Variants in SFT2D3 observed in about 807,000 individuals in gnomAD.
The protein encoded by SFT2D3 is vesicle transport protein SFT2C.
For missense variants in SFT2D3, 405 were observed against 334.6 expected, an observed-to-expected ratio of 1.21 and a Z score of -1.64; for synonymous variants, 239 against 191.2, an observed-to-expected ratio of 1.25 and a Z score of -2.06.
In SFT2D3 at chr2:127,701,801, C is replaced by T. The variant is rs1427461615; in HGVS notation, c.273C>T (p.Phe91=). 1.4e-6 allele frequency: 2 copies of T among 1,454,142 alleles called. No homozygotes were observed. The highest frequency in any genetic ancestry group is 1.3e-5 in the South Asian group (1 of 77,254). 90.1% of individuals were successfully genotyped at this position (1,454,142 alleles called of 1,614,324 possible). Residue 91 remains phenylalanine, a synonymous_variant, in exon 1 of 1, where the codon TTC becomes TTT. Coordinates refer to ENST00000310981, the MANE Select transcript of SFT2D3 (RefSeq NM_032740.4). ...GCCTGCTGCTGGCTGCACTGTGTTT[C>T]GGCCTAGCCGCGCTCTACGCACCGG... ...GGCLLLAALC[F]GLAALYAPVL...
rs1685919039 is a variant in SFT2D3, at chr2:127,702,496, A to G, written c.*320A>G. The G allele has an allele frequency of 5.0e-6, 1 of 199,600 alleles. No individual in the cohort carries two copies. Among genetic ancestry groups the G allele is most frequent in the East Asian group, 1.4e-4 (1 of 7,102 alleles). The allele number at this position is 199,600 out of a possible 1,614,324, so 12.4% of individuals were successfully genotyped here. A position where few individuals can be genotyped will look rare whatever the true frequency, so the allele number is the denominator to read the frequency against. On this transcript the variant is annotated 3_prime_UTR_variant, in exon 1 of 1. Transcript: ENST00000310981. Reference sequence around the variant, plus strand: ...CTGTGGTCTTAGGTTCGGCTGAGTAAAGAAAAAGGATTTTTCTTCGAGTTA... The same window carrying G: ...CTGTGGTCTTAGGTTCGGCTGAGTAGAGAAAAAGGATTTTTCTTCGAGTTA...
Position 127,701,569 on chromosome 2 carries a change from A to AG in SFT2D3, c.45dup (p.Lys16GlufsTer225). On this transcript the variant is annotated frameshift_variant, in exon 1 of 1. Coordinates refer to ENST00000310981, the MANE Select transcript of SFT2D3 (RefSeq NM_032740.4). LOFTEE classifies it low-confidence loss of function (END_TRUNC). ...CGCCAGCTGCAGGAGTACCTGGCGC[A>AG]GGGGAAAGCTGGCGGCCCGGCGGCC... 7.4e-7 allele frequency: 1 copy of AG among 1,359,096 alleles called. No homozygotes were observed. 84.2% of individuals were successfully genotyped at this position (1,359,096 alleles called of 1,614,324 possible).
chr2:127,702,021 A>G lies in SFT2D3; in HGVS notation c.493A>G (p.Ser165Gly), dbSNP rs764196475. The change falls in exon 1 of 1, where the codon AGC becomes GGC. Residue 165 changes from serine (S) to glycine (G), a missense_variant. Physicochemically the swap from Ser to Gly is moderately conservative, Grantham distance 56. Coordinates refer to ENST00000310981, the MANE Select transcript of SFT2D3 (RefSeq NM_032740.4). ...ATLFAALGLR[S>G]TLLTVLGAGA... ...GCTGTTCGCCGCGCTGGGCCTTCGC[A>G]GCACGCTGCTCACGGTGCTGGGCGC... is the stretch of plus-strand genomic sequence containing the variant. 238 of 1,296,444 alleles carry G rather than the reference A, an allele frequency of 1.8e-4. No individual in the cohort carries two copies. Among genetic ancestry groups the G allele is most frequent in the Admixed American group, 3.4e-4 (8 of 23,606 alleles). The allele number at this position is 1,296,444 out of a possible 1,614,324, so 80.3% of individuals were successfully genotyped here. A position where few individuals can be genotyped will look rare whatever the true frequency, so the allele number is the denominator to read the frequency against.
Position 127,701,880 on chromosome 2 carries a change from CTGGCGT to C in SFT2D3, c.358_363del (p.Leu120_Ala121del), listed in dbSNP as rs1558914265. The C allele has an allele frequency of 1.4e-6, 2 of 1,457,804 alleles. No individual in the cohort carries two copies. The highest frequency in any genetic ancestry group is 2.5e-5 in the Admixed American group (1 of 39,962). The allele number at this position is 1,457,804 out of a possible 1,614,324, so 90.3% of individuals were successfully genotyped here. ...GCTGCTCTGGTCACTGGGCTCGGCG[CTGGCGT>C]TGGCGGGAAGCGCGCTGCTGCGGGG... On this transcript the variant is annotated inframe_deletion, in exon 1 of 1. Coordinates refer to ENST00000310981, the MANE Select transcript of SFT2D3 (RefSeq NM_032740.4).
Position 127,701,743 on chromosome 2 carries a change from C to A in SFT2D3, c.215C>A (p.Thr72Lys). Residue 72 changes from threonine to lysine, a missense_variant, in exon 1 of 1, where the codon ACG becomes AAG. Coordinates refer to ENST00000310981, the MANE Select transcript of SFT2D3 (RefSeq NM_032740.4). The stretch of plus-strand genomic sequence containing the variant: ...GGCCTGACGTGCCTCCCGAGCGTGA[C>A]GCGCGGGCAGCGGCTGGCGGCGGGC... ...AAGLTCLPSVTRGQRLAAGGG... is the reference protein window; with the variant it reads ...AAGLTCLPSVKRGQRLAAGGG... 1.4e-6 allele frequency: 2 copies of A among 1,412,378 alleles called. No individual in the cohort carries two copies. Among genetic ancestry groups the A allele is most frequent in the South Asian group, 1.4e-5 (1 of 70,838 alleles). The allele number at this position is 1,412,378 out of a possible 1,614,324, so 87.5% of individuals were successfully genotyped here. A position where few individuals can be genotyped will look rare whatever the true frequency, so the allele number is the denominator to read the frequency against.
chr2:127,701,726 G>A lies in SFT2D3; in HGVS notation c.198G>A (p.Thr66=), dbSNP rs1276248713. 3.6e-6 allele frequency: 5 copies of A among 1,381,212 alleles called. No individual in the cohort carries two copies. The highest frequency in any genetic ancestry group is 4.7e-6 in the Non-Finnish European group (5 of 1,068,408). The allele number at this position is 1,381,212 out of a possible 1,614,324, so 85.6% of individuals were successfully genotyped here. Residue 66 remains threonine, a synonymous_variant, in exon 1 of 1, where the codon ACG becomes ACA. Coordinates refer to ENST00000310981, the MANE Select transcript of SFT2D3 (RefSeq NM_032740.4). ...CGGAGTCGGCAGCGGCCGGCCTGAC[G>A]TGCCTCCCGAGCGTGACGCGCGGGC... ...SPAESAAAGL[T]CLPSVTRGQR...
Position 127,701,866 on chromosome 2 carries a change from C to T in SFT2D3, c.338C>T (p.Ser113Leu). Residue 113 changes from serine (S) to leucine (L), a missense_variant, in exon 1 of 1, where the codon TCA becomes TTA. By Grantham distance (145) the Ser-to-Leu change is moderately radical. Transcript: ENST00000310981. Reference sequence around the variant, plus strand: ...GCGCGCAAGTTCGCGCTGCTCTGGTCACTGGGCTCGGCGCTGGCGTTGGCG... The same window carrying T: ...GCGCGCAAGTTCGCGCTGCTCTGGTTACTGGGCTCGGCGCTGGCGTTGGCG... The part of the protein sequence containing the change: ...LRARKFALLW[S>L]LGSALALAGS... 6.8e-7 allele frequency: 1 copy of T among 1,460,592 alleles called. No individual in the cohort carries two copies. Among genetic ancestry groups the T allele is most frequent in the East Asian group, 3.1e-5 (1 of 32,524 alleles). 90.5% of individuals were successfully genotyped at this position (1,460,592 alleles called of 1,614,324 possible). A position where few individuals can be genotyped will look rare whatever the true frequency, so the allele number is the denominator to read the frequency against.
chr2:127,703,680 T>G lies in SFT2D3; in HGVS notation c.*1504T>G, dbSNP rs1685946755. ...AGTATCTTCAGAATGATTTATTTTTTTAATTAATTGTAAAGACTTGTGCCA... is the reference window on the plus strand; with the variant it reads ...AGTATCTTCAGAATGATTTATTTTTGTAATTAATTGTAAAGACTTGTGCCA... On this transcript the variant is annotated 3_prime_UTR_variant, in exon 1 of 1. Transcript: ENST00000310981. 2 of 167,116 alleles carry G rather than the reference T, an allele frequency of 1.2e-5. No homozygotes were observed. The highest frequency in any genetic ancestry group is 2.9e-5 in the Non-Finnish European group (2 of 68,136). 10.4% of individuals were successfully genotyped at this position (167,116 alleles called of 1,614,324 possible).
chr2:127,701,969 G>A lies in SFT2D3; in HGVS notation c.441G>A (p.Leu147=). The change falls in exon 1 of 1, where the codon CTG becomes CTA. Residue 147 remains leucine, a synonymous_variant. Transcript: ENST00000310981. ...RCEEAPSRPA[L]LYMAALGATL... ...AAGAAGCGCCGTCCCGGCCCGCGCT[G>A]CTCTACATGGCAGCGCTGGGCGCCA... 2 of 1,379,278 alleles carry A rather than the reference G, an allele frequency of 1.5e-6. No homozygotes were observed. Among genetic ancestry groups the A allele is most frequent in the South Asian group, 1.5e-5 (1 of 64,682 alleles). 85.4% of individuals were successfully genotyped at this position (1,379,278 alleles called of 1,614,324 possible).
In SFT2D3 at chr2:127,701,552, G is replaced by T; in HGVS notation, c.24G>T (p.Leu8=). ...AGATGGCGGACCTCCACCGCCAGCT[G>T]CAGGAGTACCTGGCGCAGGGGAAAG... The part of the protein sequence containing the change: MADLHRQ[L]QEYLAQGKAG... The change falls in exon 1 of 1, where the codon CTG becomes CTT. Residue 8 remains leucine (L), a synonymous_variant. Coordinates refer to ENST00000310981, the MANE Select transcript of SFT2D3 (RefSeq NM_032740.4). 7.3e-7 allele frequency: 1 copy of T among 1,362,016 alleles called. No homozygotes were observed. 84.4% of individuals were successfully genotyped at this position (1,362,016 alleles called of 1,614,324 possible). A position where few individuals can be genotyped will look rare whatever the true frequency, so the allele number is the denominator to read the frequency against.
In SFT2D3 at chr2:127,703,350, CT is replaced by C. The variant is rs1190932719; in HGVS notation, c.*1178del. 1 of 167,080 alleles carries C rather than the reference CT, an allele frequency of 6.0e-6. No homozygotes were observed. The highest frequency in any genetic ancestry group is 1.5e-5 in the Non-Finnish European group (1 of 68,116). 10.3% of individuals were successfully genotyped at this position (167,080 alleles called of 1,614,324 possible). ...CTACGTTCCCCAAGTTTGAGGACCA[CT>C]TTTCTGTGCATTGGCTTGCACAATT... On this transcript the variant is annotated 3_prime_UTR_variant, in exon 1 of 1. Transcript: ENST00000310981.
Position 127,703,329 on chromosome 2 carries a change from G to A in SFT2D3, c.*1153G>A, listed in dbSNP as rs1167321792. ...TTTAAAGCTCCCCAAGTGATTCTAC[G>A]TTCCCCAAGTTTGAGGACCACTTTT... On this transcript the variant is annotated 3_prime_UTR_variant, in exon 1 of 1. Coordinates refer to ENST00000310981, the MANE Select transcript of SFT2D3 (RefSeq NM_032740.4). 1 of 167,044 alleles carries A rather than the reference G, an allele frequency of 6.0e-6. No homozygotes were observed. Among genetic ancestry groups the A allele is most frequent in the East Asian group, 1.9e-4 (1 of 5,202 alleles). The allele number at this position is 167,044 out of a possible 1,614,324, so 10.3% of individuals were successfully genotyped here. A position where few individuals can be genotyped will look rare whatever the true frequency, so the allele number is the denominator to read the frequency against.
At position 127,701,570 on chromosome 2, in the gene SFT2D3, G is replaced by C; in HGVS notation, c.42G>C (p.Gln14His). Residue 14 changes from glutamine (Q) to histidine (H), a missense_variant, in exon 1 of 1, where the codon CAG becomes CAC. Physicochemically the swap from Gln to His is conservative, Grantham distance 24. Transcript: ENST00000310981. ...LHRQLQEYLA[Q>H]GKAGGPAAAE... The stretch of plus-strand genomic sequence containing the variant: ...GCCAGCTGCAGGAGTACCTGGCGCA[G>C]GGGAAAGCTGGCGGCCCGGCGGCCG... 7.3e-7 allele frequency: 1 copy of C among 1,365,848 alleles called. No homozygotes were observed. The highest frequency in any genetic ancestry group is 1.5e-5 in the African/African-American group (1 of 66,008). 84.6% of individuals were successfully genotyped at this position (1,365,848 alleles called of 1,614,324 possible).
chr2:127,703,725 C>G lies in SFT2D3; in HGVS notation c.*1549C>G, dbSNP rs1448772001. The G allele has an allele frequency of 6.0e-6, 1 of 166,876 alleles. No individual in the cohort carries two copies. The highest frequency in any genetic ancestry group is 1.9e-4 in the East Asian group (1 of 5,200). 10.3% of individuals were successfully genotyped at this position (166,876 alleles called of 1,614,324 possible). ...GTGCCATTGGCTGCTCTTTCTAGTCCCCTAAATTTCTGTTCTAGTTTTAAA... is the reference window on the plus strand; with the variant it reads ...GTGCCATTGGCTGCTCTTTCTAGTCGCCTAAATTTCTGTTCTAGTTTTAAA... On this transcript the variant is annotated 3_prime_UTR_variant, in exon 1 of 1. Transcript: ENST00000310981.
In SFT2D3 at chr2:127,702,615, T is replaced by G. The variant is rs1685922316; in HGVS notation, c.*439T>G. 6.0e-6 allele frequency: 1 copy of G among 167,374 alleles called. No homozygotes were observed. Among genetic ancestry groups the G allele is most frequent in the Non-Finnish European group, 1.5e-5 (1 of 68,334 alleles). 10.4% of individuals were successfully genotyped at this position (167,374 alleles called of 1,614,324 possible). A position where few individuals can be genotyped will look rare whatever the true frequency, so the allele number is the denominator to read the frequency against. ...CGGTAGTTTTTTGTTTTGGCTATAC[T>G]AAGACTTGGAAATTATTCTCTCCAG... On this transcript the variant is annotated 3_prime_UTR_variant, in exon 1 of 1. Coordinates refer to ENST00000310981, the MANE Select transcript of SFT2D3 (RefSeq NM_032740.4).
chr2:127,701,933 G>A lies in SFT2D3; in HGVS notation c.405G>A (p.Leu135=), dbSNP rs530162123. 1.9e-4 allele frequency: 265 copies of A among 1,427,644 alleles called. 2 individuals are homozygous for A. In the South Asian group the frequency reaches 3.4e-3, roughly 18 times the overall value. The allele number at this position is 1,427,644 out of a possible 1,614,324, so 88.4% of individuals were successfully genotyped here. A position where few individuals can be genotyped will look rare whatever the true frequency, so the allele number is the denominator to read the frequency against. ...GGGGCGGCGCGGCGTGCGGACGCCT[G>A]CTGCGCTGCGAAGAAGCGCCGTCCC... is the stretch of plus-strand genomic sequence containing the variant. ...LLRGGAACGR[L]LRCEEAPSRP... is the part of the protein sequence containing the mutation. The change falls in exon 1 of 1, where the codon CTG becomes CTA. Residue 135 remains leucine (L), a synonymous_variant. Transcript: ENST00000310981.
Position 127,702,120 on chromosome 2 carries a change from C to T in SFT2D3, c.592C>T (p.Leu198Phe). Reference protein sequence around the residue: ...LPWGGGTALRLALGRLGRGAG... With the variant: ...LPWGGGTALRFALGRLGRGAG... ...CTGGGGCGGCGGCACCGCGCTGCGC[C>T]TCGCACTGGGTCGCCTGGGCCGCGG... The change falls in exon 1 of 1, where the codon CTC (leucine) becomes TTC (phenylalanine). Residue 198 changes from leucine (L) to phenylalanine (F), a missense_variant. Physicochemically the swap from Leu to Phe is conservative, Grantham distance 22. Coordinates refer to ENST00000310981, the MANE Select transcript of SFT2D3 (RefSeq NM_032740.4). The T allele has an allele frequency of 8.2e-7, 1 of 1,219,780 alleles. No homozygotes were observed. The highest frequency in any genetic ancestry group is 1.6e-5 in the African/African-American group (1 of 63,564). 75.6% of individuals were successfully genotyped at this position (1,219,780 alleles called of 1,614,324 possible).
At position 127,701,507 on chromosome 2, in the gene SFT2D3, T is replaced by G. The variant is rs897357623; in HGVS notation, c.-22T>G. 1.6e-6 allele frequency: 2 copies of G among 1,285,656 alleles called. No individual in the cohort carries two copies. Among genetic ancestry groups the G allele is most frequent in the Admixed American group, 4.0e-5 (1 of 24,834 alleles). 79.6% of individuals were successfully genotyped at this position (1,285,656 alleles called of 1,614,324 possible). A position where few individuals can be genotyped will look rare whatever the true frequency, so the allele number is the denominator to read the frequency against. On this transcript the variant is annotated 5_prime_UTR_variant, in exon 1 of 1. Coordinates refer to ENST00000310981, the MANE Select transcript of SFT2D3 (RefSeq NM_032740.4). ...CCGGAAGTGAGCCGCAGCTTTTCCTTTCTGCCACCGCCTTGTCCAAGATGG... is the reference window on the plus strand; with the variant it reads ...CCGGAAGTGAGCCGCAGCTTTTCCTGTCTGCCACCGCCTTGTCCAAGATGG...
In SFT2D3 at chr2:127,702,881, C is replaced by T. The variant is rs1185241101; in HGVS notation, c.*705C>T. 1 of 166,882 alleles carries T rather than the reference C, an allele frequency of 6.0e-6. No homozygotes were observed. Among genetic ancestry groups the T allele is most frequent in the Admixed American group, 6.5e-5 (1 of 15,290 alleles). 10.3% of individuals were successfully genotyped at this position (166,882 alleles called of 1,614,324 possible). A position where few individuals can be genotyped will look rare whatever the true frequency, so the allele number is the denominator to read the frequency against. On this transcript the variant is annotated 3_prime_UTR_variant, in exon 1 of 1. Coordinates refer to ENST00000310981, the MANE Select transcript of SFT2D3 (RefSeq NM_032740.4). ...GGGGCGCGTAGATGCTTAACGGTCTCTTCGGAAATCCTGCAAATAGAAAGA... is the reference window on the plus strand; with the variant it reads ...GGGGCGCGTAGATGCTTAACGGTCTTTTCGGAAATCCTGCAAATAGAAAGA...
Sources: allele counts gnomAD v4.1 joint callset, GRCh38; gene constraint gnomAD v4.1.1; transcripts MANE v1.5; gene names NCBI Gene and HGNC (gene_info 2026-07-23, HGNC 2026-07-21).